The following CLEC16A variants were observed in gnomAD, a reference collection of about 807,000 sequenced individuals.
CLEC16A encodes the protein protein CLEC16A.
CLEC16A carries 51 observed loss-of-function variants against 109.5 expected under a neutral mutation model. The observed-to-expected ratio is 0.47, with a 90% CI of 0.37 to 0.59. The LOEUF is 0.59. CLEC16A is among the 20% of genes least tolerant of loss of function. The pLI, the probability that CLEC16A is intolerant of heterozygous loss-of-function variation, is 0.00. For synonymous variants in CLEC16A, 673 were observed against 564.2 expected (o/e 1.19, Z -2.73); for missense variants, 1,339 against 1,394.0 (o/e 0.96, Z 0.63).
intron 22 of CLEC16A, among the ~76,000 whole-genome samples, chr16:11,143,475 A>G (rs541767642): frequency 6.6e-6 from 1 of 152,276 alleles, no homozygotes; most frequent in East Asian, 1.9e-4. Flanking sequence ...CCGCTTGTAA[A>G]AACCATGCCA....
chr16:11,138,458 A>G (rs2053671573), intron 22 of CLEC16A, among the ~76,000 whole-genome samples: 1 of 152,208 alleles, frequency 6.6e-6, no homozygotes, highest in Non-Finnish European at 1.5e-5. Flanking sequence ...ATCAGGGGAC[A>G]TGGGTGGCAA....
intron 11 of CLEC16A, among the ~76,000 whole-genome samples, chr16:11,003,963 G>C (rs1016800755): frequency 1.6e-5 from 2 of 128,208 alleles, no homozygotes; most frequent in Admixed American, 8.8e-5. Context: ...ACGAGATCCT[G>C]TCTCTACAAA....
chr16:10,958,238 T>C (rs1319547364), intron 2 of CLEC16A, among the ~76,000 whole-genome samples: 1 of 152,214 alleles, frequency 6.6e-6, no homozygotes, highest in Non-Finnish European at 1.5e-5. Flanking sequence ...ACAGAAGGCC[T>C]GTGCCCTGGG....
At chr16:11,153,507 T>C (rs150182468) in intron 22 of CLEC16A, among the ~76,000 whole-genome samples, 13 of 151,646 alleles carry the variant, frequency 8.6e-5, no homozygotes, top group African/African-American at 3.1e-4. Flanking sequence ...CTCTAACAGA[T>C]TAAAAAGGCT....
intron 10 of CLEC16A, among the ~76,000 whole-genome samples, chr16:10,984,606 T>C (rs950084132): frequency 6.6e-6 from 1 of 152,206 alleles, no homozygotes; most frequent in African/African-American, 2.4e-5. Context: ...GGCCTAGAGG[T>C]GACAGGGGTG....
chr16:10,964,723 C>G (rs536678516), intron 3 of CLEC16A, among the ~76,000 whole-genome samples: 1 of 152,154 alleles, frequency 6.6e-6, no homozygotes, highest in East Asian at 1.9e-4. Context: ...GAGTGTTTCT[C>G]TGAATTATGT....
At chr16:11,142,815 T>A (rs1027563323) in intron 22 of CLEC16A, among the ~76,000 whole-genome samples, 5 of 152,154 alleles carry the variant, frequency 3.3e-5, no homozygotes, top group Non-Finnish European at 7.3e-5. Context: ...CCAGTAAACT[T>A]TTTTATTTTT....
In CLEC16A at chr16:10,972,530, C is replaced by T. The variant is rs201984798; in HGVS notation, c.599-24C>T. ...CTGTTTTTTGCTTTTCCTTCAATGA[C>T]GATTCCTGTGTTCCTTATTCCAGTG... is the stretch of plus-strand genomic sequence containing the variant. On this transcript the variant is annotated intron_variant, in intron 5 of 23. Transcript: ENST00000409790. 2.8e-5 allele frequency: 45 copies of T among 1,611,570 alleles called. 2 individuals carry two copies. The South Asian group carries it at 4.6e-4, about 17-fold the overall frequency.
intron 13 of CLEC16A, among the ~76,000 whole-genome samples, chr16:11,033,657 G>A (rs916483427): frequency 6.6e-5 from 10 of 152,144 alleles, no homozygotes; most frequent in African/African-American, 2.4e-4. Flanking sequence ...GGTCCCAAGT[G>A]ACCTGGTCTC....
At chr16:11,121,526 C>G (rs2052407958) in intron 20 of CLEC16A, among the ~76,000 whole-genome samples, 1 of 152,044 alleles carries the variant, frequency 6.6e-6, no homozygotes, top group African/African-American at 2.4e-5. Context: ...TCTAACTTGC[C>G]AAGTACCAAG....
intron 13 of CLEC16A, among the ~76,000 whole-genome samples, chr16:11,030,618 A>T (rs77090626): frequency 2.0e-5 from 3 of 152,204 alleles, no homozygotes; most frequent in Non-Finnish European, 4.4e-5. Context: ...AGTAAAAAAA[A>T]TATTGTGTTT....
intron 17 of CLEC16A, among the ~76,000 whole-genome samples, chr16:11,050,218 A>G (rs963975894): frequency 6.6e-6 from 1 of 152,202 alleles, no homozygotes; most frequent in Non-Finnish European, 1.5e-5. Context: ...TCATTGAGCC[A>G]CACCTGCAAT....
chr16:10,958,903 C>CA (rs956818398), intron 2 of CLEC16A, among the ~76,000 whole-genome samples: 167 of 146,672 alleles, frequency 1.1e-3, no homozygotes, highest in African/African-American at 3.8e-3. Flanking sequence ...GACCATGTCT[C>CA]AAAAAAAAAA....
chr16:10,953,069 A>G (rs931026746), intron 1 of CLEC16A, among the ~76,000 whole-genome samples: 2 of 152,254 alleles, frequency 1.3e-5, no homozygotes, highest in Non-Finnish European at 2.9e-5. Flanking sequence ...AAGGGCCAAG[A>G]ATAGGCAATA....
In CLEC16A at chr16:11,021,843, A is replaced by G. The variant is rs564437163; in HGVS notation, c.1436+1518A>G. On this transcript the variant is annotated intron_variant, in intron 12 of 23. Transcript: ENST00000409790. ...AGGTGAATACTGTCATGATGTGTTCAGTTCCTTAGGGTTTGATAAATGGAA... is the reference window on the plus strand; with the variant it reads ...AGGTGAATACTGTCATGATGTGTTCGGTTCCTTAGGGTTTGATAAATGGAA... 3.3e-5 allele frequency among the ~76,000 whole-genome samples: 5 copies of G among 152,282 alleles called. No individual in the cohort carries two copies. In the East Asian group the frequency reaches 7.7e-4, roughly 24 times the overall value.
intron 19 of CLEC16A, among the ~76,000 whole-genome samples, chr16:11,116,247 TAGCC>T (rs1398390079): frequency 6.7e-6 from 1 of 149,284 alleles, no homozygotes; most frequent in Non-Finnish European, 1.5e-5. Context: ...AAAAAAAAAA[TAGCC>T]AGGCGTGGTG....
At chr16:11,016,335 CTTTTTTTTCTT>C (rs1457986862) in intron 11 of CLEC16A, among the ~76,000 whole-genome samples, 1 of 134,480 alleles carries the variant, frequency 7.4e-6, no homozygotes, top group African/African-American at 3.2e-5. Flanking sequence ...CGTTCGAACT[CTTTTTTTTCTT>C]TTTTTTTCTT....
chr16:11,099,203 C>A (rs547045142), intron 19 of CLEC16A, among the ~76,000 whole-genome samples: 5 of 152,332 alleles, frequency 3.3e-5, no homozygotes, highest in African/African-American at 1.2e-4. Flanking sequence ...TTTGCCAGGA[C>A]AGGTCATTCT....
chr16:11,042,201 T>C (rs1051718664), intron 14 of CLEC16A, 53 bp from the exon 15 acceptor site: 448 of 1,423,562 alleles, frequency 3.1e-4, no homozygotes, highest in Non-Finnish European at 2.2e-4. Flanking sequence ...CAGTCTTGGG[T>C]TTAAGGGCGC....
Sources: gnomAD v4.1 joint callset for allele counts (sites outside exome capture counted in the v4.1 genomes callset) on GRCh38, gnomAD v4.1.1 for gene constraint, MANE v1.5 for transcripts, NCBI Gene and HGNC (gene_info 2026-07-23, HGNC 2026-07-21) for gene names.